ZNF391: variants seen among roughly 807,000 people sequenced by gnomAD.
ZNF391 encodes zinc finger protein 391.
For synonymous variants in ZNF391, 126 were observed against 142.1 expected (o/e 0.89, Z 0.80); for missense variants, 375 against 425.5 (o/e 0.88, Z 1.04).
At chr6:27,390,471 A>G (rs1314976125) in intron 1 of ZNF391, among the ~76,000 whole-genome samples, 1 of 152,204 alleles carries the variant, frequency 6.6e-6, no homozygotes, top group Non-Finnish European at 1.5e-5. Context: ...AGGAGAGGCA[A>G]CTTTCCACAT....
chr6:27,381,381 G>A (rs1045244049), intron 1 of ZNF391, among the ~76,000 whole-genome samples: 2 of 152,242 alleles, frequency 1.3e-5, no homozygotes, highest in Admixed American at 6.5e-5. Context: ...ACGCCCAACC[G>A]GAACTCCAGC....
In ZNF391 at chr6:27,376,739, G is replaced by A. The variant is rs545998271; in HGVS notation, n.523+1602G>A. Among the ~76,000 whole-genome samples, 4 of 152,254 alleles carry A rather than the reference G, an allele frequency of 2.6e-5. No homozygotes were observed. In the East Asian group the frequency reaches 7.7e-4, roughly 29 times the overall value. On this transcript the variant is annotated intron_variant and non_coding_transcript_variant, in intron 1 of 2. Transcript: ENST00000477999. The surrounding 1 kb of genome is among the most constrained non-coding windows in gnomAD (Gnocchi z 4.7). ...TAGATGTAATGGCGAGCCGCTTGAA[G>A]CTACTCCGGCGGCTGAGGCAGGAGA...
chr6:27,382,550 G>A (rs1883403), intron 1 of ZNF391, among the ~76,000 whole-genome samples: 85,097 of 151,978 alleles, frequency 0.56, 24,162 homozygotes, highest in African/African-American at 0.6. Flanking sequence ...ACTCACATAT[G>A]GTGGGGATGT....
intron 1 of ZNF391, among the ~76,000 whole-genome samples, chr6:27,392,455 C>T (rs1022150631): frequency 1.3e-5 from 2 of 152,228 alleles, no homozygotes; most frequent in African/African-American, 4.8e-5. Flanking sequence ...GGGGTTTCAC[C>T]ATGTTGGGCT....
chr6:27,390,994 A>C (rs1376788940), intron 1 of ZNF391: 1 of 152,094 alleles, frequency 6.6e-6, no homozygotes, highest in East Asian at 1.9e-4. Context: ...AAGTAAGGGG[A>C]CTAGTGCCAT....
chr6:27,388,740 T>C, upstream of ZNF391: 1 of 354,304 alleles, frequency 2.8e-6, no homozygotes, highest in South Asian at 2.1e-5. Context: ...CGACCGCTGC[T>C]GATACGTTGC....
chr6:27,378,831 A>T (rs928324721), intron 1 of ZNF391, among the ~76,000 whole-genome samples: 1 of 152,054 alleles, frequency 6.6e-6, no homozygotes, highest in Admixed American at 6.6e-5. Flanking sequence ...GGTCCCAGCT[A>T]TTTGGAAGGA....
At chr6:27,390,347 C>G (rs957621057) in intron 1 of ZNF391, among the ~76,000 whole-genome samples, 1 of 152,134 alleles carries the variant, frequency 6.6e-6, no homozygotes, top group African/African-American at 2.4e-5. Context: ...ACCAGGTTGG[C>G]TAGGGCTGCA....
chr6:27,398,629 C>T (rs978250254), intron 1 of ZNF391, among the ~76,000 whole-genome samples: 13 of 152,198 alleles, frequency 8.5e-5, no homozygotes, highest in Admixed American at 4.6e-4. Flanking sequence ...GAAGCTGGGG[C>T]GGGTGGATCA....
intron 1 of ZNF391, among the ~76,000 whole-genome samples, chr6:27,377,587 T>C (rs1761436833): frequency 6.6e-6 from 1 of 152,244 alleles, no homozygotes; most frequent in Non-Finnish European, 1.5e-5. Context: ...CATGTCTTCC[T>C]GACTTTGCTT....
chr6:27,394,532 C>T (rs543292255), intron 1 of ZNF391, among the ~76,000 whole-genome samples: 2 of 152,338 alleles, frequency 1.3e-5, no homozygotes, highest in South Asian at 4.1e-4. Context: ...CAGGCAGAAG[C>T]CTGCTGTAAG....
At position 27,403,345 on chromosome 6, in the gene ZNF391, T is replaced by A. The variant is rs1762019330; in HGVS notation, c.*1898T>A. 1 of 152,186 alleles carries A rather than the reference T, an allele frequency of 6.6e-6. No individual in the cohort carries two copies. The highest frequency in any genetic ancestry group is 2.4e-5 in the African/African-American group (1 of 41,436). 9.4% of individuals were successfully genotyped at this position (152,186 alleles called of 1,614,324 possible). ...CAAACTGTTCCTTGGCACTTCTACA[T>A]GTCCTACTTTCTTCGTTGTATTCCA... On this transcript the variant is annotated 3_prime_UTR_variant, in exon 3 of 3. Coordinates refer to ENST00000244576, the MANE Select transcript of ZNF391 (RefSeq NM_001076781.3).
rs114755441 is a variant in ZNF391 at position 27,400,987 on chromosome 6, C to A, written c.617C>A (p.Thr206Asn). 2,035 of 1,614,196 alleles carry A rather than the reference C, an allele frequency of 1.3e-3. 26 individuals carry two copies. In the African/African-American group the frequency reaches 0.023, roughly 19 times the overall value. Residue 206 changes from threonine to asparagine, a missense_variant, in exon 3 of 3, where the codon ACT becomes AAT. By Grantham distance (65) the Thr-to-Asn change is moderately conservative. Transcript: ENST00000244576. ...SECGKAFSRS[T>N]NLSQHQRTHT... ...TGTGGAAAAGCCTTTAGCCGAAGCA[C>A]TAACCTTAGTCAGCATCAGCGAACT... is the stretch of plus-strand genomic sequence containing the variant.
chr6:27,393,428 C>T (rs1260958193), intron 1 of ZNF391, among the ~76,000 whole-genome samples: 2 of 152,160 alleles, frequency 1.3e-5, no homozygotes, highest in South Asian at 2.1e-4. Context: ...TCCCTGAGGC[C>T]TCCCCAGAAG....
At position 27,389,048 on chromosome 6, in the gene ZNF391, G is replaced by A. The variant is rs1561810187; in HGVS notation, c.-215G>A. 2.2e-6 allele frequency: 1 copy of A among 456,018 alleles called. No individual in the cohort carries two copies. 28.2% of individuals were successfully genotyped at this position (456,018 alleles called of 1,614,324 possible). A position where few individuals can be genotyped will look rare whatever the true frequency, so the allele number is the denominator to read the frequency against. Reference sequence around the variant, plus strand: ...GTACTCGGCCGGAGGCGGCCGGTGAGTGAGGCTTACAGGGCCCCGGGACCA... The same window carrying A: ...GTACTCGGCCGGAGGCGGCCGGTGAATGAGGCTTACAGGGCCCCGGGACCA... On this transcript the variant is annotated 5_prime_UTR_variant, in exon 1 of 3. It adds an upstream start codon to the 5' untranslated region. Coordinates refer to ENST00000244576, the MANE Select transcript of ZNF391 (RefSeq NM_001076781.3).
At position 27,403,634 on chromosome 6, in the gene ZNF391, C is replaced by T. The variant is rs1762028405; in HGVS notation, c.*2187C>T. 6.6e-6 allele frequency: 1 copy of T among 152,148 alleles called. No homozygotes were observed. The highest frequency in any genetic ancestry group is 1.5e-5 in the Non-Finnish European group (1 of 68,030). The allele number at this position is 152,148 out of a possible 1,614,324, so 9.4% of individuals were successfully genotyped here. On this transcript the variant is annotated 3_prime_UTR_variant, in exon 3 of 3. Transcript: ENST00000244576. ...CTGGACTCTAGTTTTAATCTAAATA[C>T]ATAGGGTTTAATTTAGCAGCATAAT... is the stretch of plus-strand genomic sequence containing the variant.
chr6:27,381,579 C>T (rs911106400), intron 1 of ZNF391, among the ~76,000 whole-genome samples: 4 of 152,176 alleles, frequency 2.6e-5, no homozygotes, highest in Non-Finnish European at 4.4e-5. Context: ...GCGCCGAGAG[C>T]GAGCGAGGGC....
rs2113645958 is a variant in ZNF391 at position 27,388,899 on chromosome 6, G to A, written c.-364G>A. The A allele has an allele frequency of 2.2e-6, 1 of 456,284 alleles. No individual in the cohort carries two copies. Among genetic ancestry groups the A allele is most frequent in the South Asian group, 1.6e-5 (1 of 64,496 alleles). The allele number at this position is 456,284 out of a possible 1,614,324, so 28.3% of individuals were successfully genotyped here. A position where few individuals can be genotyped will look rare whatever the true frequency, so the allele number is the denominator to read the frequency against. On this transcript the variant is annotated 5_prime_UTR_variant, in exon 1 of 3. Coordinates refer to ENST00000244576, the MANE Select transcript of ZNF391 (RefSeq NM_001076781.3). ...GTGGAAGAGTGCCTGTGATCTTAGG[G>A]AACCTGATGGGCGTTGGAGCAGCGG...
chr6:27,383,195 C>G (rs1386043050), intron 1 of ZNF391, among the ~76,000 whole-genome samples: 1 of 149,922 alleles, frequency 6.7e-6, no homozygotes, highest in Non-Finnish European at 1.5e-5. Context: ...AGGACTGGGA[C>G]AACTACAAAA....
Sources: allele counts gnomAD v4.1 joint callset (sites outside exome capture counted in the v4.1 genomes callset), GRCh38; gene constraint gnomAD v4.1.1; non-coding constraint Gnocchi (gnomAD v3.1); transcripts MANE v1.5; gene names NCBI Gene and HGNC (gene_info 2026-07-23, HGNC 2026-07-21).